CCDC178: variants seen among roughly 807,000 people sequenced by gnomAD.
CCDC178 encodes the protein coiled-coil domain-containing protein 178.
In CCDC178, 126 loss-of-function variants were observed where a neutral mutation model predicts 117.4. The ratio of observed to expected loss-of-function variants is 1.07; its 90% CI spans 0.93 to 1.24. The LOEUF is 1.24. Ranked by LOEUF, CCDC178 falls within the 50% of genes most tolerant of loss-of-function variation. The pLI is 0.00. For missense variants in CCDC178, 1,030 were observed against 986.9 expected (o/e 1.04, Z -0.59); for synonymous variants, 283 against 313.4 (o/e 0.90, Z 1.02).
chr18:33,044,504 TA>T (rs1168820505), intron 21 of CCDC178, among the ~76,000 whole-genome samples: 2 of 149,982 alleles, frequency 1.3e-5, no homozygotes, highest in African/African-American at 5.0e-5. Flanking sequence ...TGACTATTAT[TA>T]AAAAAACAAA....
intron 21 of CCDC178, among the ~76,000 whole-genome samples, chr18:33,091,986 A>G (rs1480991891): frequency 6.6e-6 from 1 of 152,182 alleles, no homozygotes; most frequent in Non-Finnish European, 1.5e-5. Context: ...TAGCACTGCT[A>G]TTCTAAACTA....
At chr18:33,436,139 T>C (rs1346941657) in intron 2 of CCDC178, among the ~76,000 whole-genome samples, 1 of 152,052 alleles carries the variant, frequency 6.6e-6, no homozygotes, top group Non-Finnish European at 1.5e-5. Flanking sequence ...CTAGAGAAAT[T>C]GAAGGATAAA....
At chr18:33,222,264 C>T (rs930099000) in intron 18 of CCDC178, among the ~76,000 whole-genome samples, 1 of 148,454 alleles carries the variant, frequency 6.7e-6, no homozygotes, top group Non-Finnish European at 1.5e-5. Flanking sequence ...TCCTTTCCTG[C>T]CTCCTTCCTT....
intron 2 of CCDC178, among the ~76,000 whole-genome samples, chr18:33,433,922 A>G (rs761432836): frequency 6.6e-6 from 1 of 152,186 alleles, no homozygotes; most frequent in Non-Finnish European, 1.5e-5. Flanking sequence ...TAGTAATTCT[A>G]TTATTGAAAT....
At chr18:33,145,957 A>G (rs144578520) in intron 20 of CCDC178, among the ~76,000 whole-genome samples, 133 of 152,346 alleles carry the variant, frequency 8.7e-4, no homozygotes, top group African/African-American at 3.0e-3. Context: ...CCTGATTAAT[A>G]CTATTGATTG....
chr18:33,386,756 TATC>T (rs2063498020), intron 5 of CCDC178, among the ~76,000 whole-genome samples: 1 of 152,074 alleles, frequency 6.6e-6, no homozygotes, highest in South Asian at 2.1e-4. Context: ...CCACAGTCAA[TATC>T]ATACTAAATG....
In CCDC178 at chr18:33,229,551, G is replaced by C. The variant is rs148217003; in HGVS notation, c.1594-2696C>G. Among the ~76,000 whole-genome samples the C allele has an allele frequency of 1.1e-3, 172 of 152,244 alleles. 1 individual carries two copies. The highest frequency in any genetic ancestry group is 3.4e-3 in the Middle Eastern group (1 of 294). Reference sequence around the variant, plus strand: ...TGTCCCTTTTGCACATAGGAAAACTGACAGAGAGATTACATAAATTGACCA... The same window carrying C: ...TGTCCCTTTTGCACATAGGAAAACTCACAGAGAGATTACATAAATTGACCA... On this transcript the variant is annotated intron_variant, in intron 15 of 22. Coordinates refer to ENST00000383096, the MANE Select transcript of CCDC178 (RefSeq NM_001105528.4).
At chr18:33,333,422 A>G in intron 9 of CCDC178, 28 bp from the exon 10 acceptor site, 1 of 1,153,662 alleles carries the variant, frequency 8.7e-7, no homozygotes, top group African/African-American at 1.6e-5. Context: ...AGAACAAAAG[A>G]AAATCTGATT....
At position 33,241,599 on chromosome 18, in the gene CCDC178, C is replaced by T. The variant is rs186915549; in HGVS notation, c.1593+3646G>A. On this transcript the variant is annotated intron_variant, in intron 15 of 22. Coordinates refer to ENST00000383096, the MANE Select transcript of CCDC178 (RefSeq NM_001105528.4). ...GAACTAGCTGAAAAAAATAAGATGG[C>T]CATCCTACTTACAATAGCTATAAAA... Among the ~76,000 whole-genome samples, 210 of 151,156 alleles carry T rather than the reference C, an allele frequency of 1.4e-3. 1 individual carries two copies. The highest frequency in any genetic ancestry group is 4.9e-3 in the African/African-American group (201 of 41,320).
intron 20 of CCDC178, among the ~76,000 whole-genome samples, chr18:33,199,424 C>T (rs1225398267): frequency 6.6e-6 from 1 of 152,166 alleles, no homozygotes; most frequent in Non-Finnish European, 1.5e-5. Context: ...ATCTCTTGTT[C>T]CACCTATCAT....
chr18:33,203,283 T>A (rs571911093), intron 20 of CCDC178, among the ~76,000 whole-genome samples: 2 of 152,298 alleles, frequency 1.3e-5, no homozygotes, highest in Non-Finnish European at 2.9e-5. Context: ...GCCACATATT[T>A]TGCAACTATT....
chr18:33,375,744 T>G (rs1388595442), intron 5 of CCDC178, among the ~76,000 whole-genome samples: 1 of 152,132 alleles, frequency 6.6e-6, no homozygotes, highest in Non-Finnish European at 1.5e-5. Flanking sequence ...GTGAAAATGA[T>G]GCCTGGTACA....
In CCDC178 at chr18:33,295,981, A is replaced by G. The variant is rs2062102146; in HGVS notation, c.1023-2669T>C. Among the ~76,000 whole-genome samples the G allele has an allele frequency of 2.6e-5, 4 of 152,172 alleles. No individual in the cohort carries two copies. In the South Asian group the frequency reaches 8.3e-4, roughly 32 times the overall value. On this transcript the variant is annotated intron_variant, in intron 11 of 22. Coordinates refer to ENST00000383096, the MANE Select transcript of CCDC178 (RefSeq NM_001105528.4). Reference sequence around the variant, plus strand: ...CTTATGTTCACACAAAAACTTCTACATTGATATCCATGGCAACTTTATTCA... The same window carrying G: ...CTTATGTTCACACAAAAACTTCTACGTTGATATCCATGGCAACTTTATTCA...
chr18:33,051,789 G>A (rs1199570786), intron 21 of CCDC178, among the ~76,000 whole-genome samples: 3 of 152,134 alleles, frequency 2.0e-5, no homozygotes, highest in Non-Finnish European at 2.9e-5. Flanking sequence ...AACAGTCTTT[G>A]TTAAATTTAC....
At chr18:33,081,042 A>C (rs1471744827) in intron 21 of CCDC178, among the ~76,000 whole-genome samples, 1 of 152,134 alleles carries the variant, frequency 6.6e-6, no homozygotes, top group Non-Finnish European at 1.5e-5. Context: ...CCTACAATAG[A>C]GGTAACAATC....
At chr18:33,038,717 G>A (rs1324490836) in intron 21 of CCDC178, among the ~76,000 whole-genome samples, 1 of 151,980 alleles carries the variant, frequency 6.6e-6, no homozygotes, top group Non-Finnish European at 1.5e-5. Context: ...GGTAGAATGA[G>A]GTTGTCTAAG....
chr18:33,368,827 T>C (rs1045783494), intron 6 of CCDC178, among the ~76,000 whole-genome samples: 7 of 152,032 alleles, frequency 4.6e-5, no homozygotes, highest in Non-Finnish European at 8.8e-5. Context: ...AGTTTTTTAA[T>C]CAATGGTAGC....
At chr18:32,964,455 G>A (rs1161469335) in intron 22 of CCDC178, among the ~76,000 whole-genome samples, 1 of 151,938 alleles carries the variant, frequency 6.6e-6, no homozygotes, top group Non-Finnish European at 1.5e-5. Context: ...ACCAGTTCCT[G>A]AAGGGAAAAT....
intron 9 of CCDC178, among the ~76,000 whole-genome samples, chr18:33,344,310 C>CAAAA (rs58987470): frequency 3.2e-4 from 26 of 80,664 alleles, no homozygotes; most frequent in Non-Finnish European, 4.7e-4. Context: ...GACTCCGTCT[C>CAAAA]AAAAAAAAAA....
Sources: gnomAD v4.1 joint callset for allele counts (sites outside exome capture counted in the v4.1 genomes callset) on GRCh38, gnomAD v4.1.1 for gene constraint, MANE v1.5 for transcripts, NCBI Gene and HGNC (gene_info 2026-07-23, HGNC 2026-07-21) for gene names.